The following NEDD4 variants were observed in gnomAD, a reference collection of about 807,000 sequenced individuals.
NEDD4 encodes the protein E3 ubiquitin-protein ligase NEDD4.
Under a neutral mutation model 144.9 loss-of-function variants are expected in NEDD4, and 99 were observed. That is an observed-to-expected ratio of 0.68 (90% CI 0.58 to 0.81). The LOEUF is 0.81. Ranked by LOEUF, NEDD4 falls within the 30% of genes least tolerant of loss-of-function variation. The pLI is 0.00. For synonymous variants in NEDD4, 318 were observed against 350.6 expected (o/e 0.91, Z 1.04); for missense variants, 985 against 1,065.9 (o/e 0.92, Z 1.06).
chr15:55,838,088 A>G lies in NEDD4; in HGVS notation c.2201+19T>C, dbSNP rs11071227. The G allele has an allele frequency of 7.4e-7, 1 of 1,348,370 alleles. No homozygotes were observed. The highest frequency in any genetic ancestry group is 2.2e-4 in the Middle Eastern group (1 of 4,646). 83.5% of individuals were successfully genotyped at this position (1,348,370 alleles called of 1,614,324 possible). The stretch of plus-strand genomic sequence containing the variant: ...TACAAAATTATATCCAATAAAATAC[A>G]TACTAATAAAATACTTACTAAATAT... On this transcript the variant is annotated intron_variant, in intron 23 of 28. Transcript: ENST00000435532.
At chr15:55,841,470 G>C (rs2033499405) in intron 19 of NEDD4, among the ~76,000 whole-genome samples, 1 of 152,172 alleles carries the variant, frequency 6.6e-6, no homozygotes, top group African/African-American at 2.4e-5. Flanking sequence ...GTGCTTACTG[G>C]GTATAGGGTT....
intron 2 of NEDD4, among the ~76,000 whole-genome samples, chr15:55,965,769 T>G (rs190396564): frequency 1.3e-5 from 2 of 152,240 alleles, no homozygotes; most frequent in African/African-American, 4.8e-5. Flanking sequence ...TGGCACAATC[T>G]TGGCTCGCTG....
Position 55,951,594 on chromosome 15 carries a change from T to TAAAA in NEDD4, c.120-9_120-6dup. 1 of 1,186,800 alleles carries TAAAA rather than the reference T, an allele frequency of 8.4e-7. No homozygotes were observed. The highest frequency in any genetic ancestry group is 1.1e-6 in the Non-Finnish European group (1 of 901,292). 73.5% of individuals were successfully genotyped at this position (1,186,800 alleles called of 1,614,324 possible). A position where few individuals can be genotyped will look rare whatever the true frequency, so the allele number is the denominator to read the frequency against. ...GTCACTCTCACGTAAGGATCACTGT[T>TAAAA]AAAAAAAAAAAAAAAAAGAAAGAAA... is the stretch of plus-strand genomic sequence containing the variant. On this transcript the variant is annotated splice_region_variant and splice_polypyrimidine_tract_variant and intron_variant, in intron 2 of 28. Coordinates refer to ENST00000435532, the MANE Select transcript of NEDD4 (RefSeq NM_006154.4).
chr15:55,864,037 C>T (rs1198305835), intron 8 of NEDD4, among the ~76,000 whole-genome samples: 5 of 152,134 alleles, frequency 3.3e-5, no homozygotes, highest in Non-Finnish European at 7.3e-5. Flanking sequence ...AGTTTGGTTT[C>T]TCAGAGATTA....
At chr15:55,836,805 G>A (rs1197642812) in intron 24 of NEDD4, among the ~76,000 whole-genome samples, 8 of 152,048 alleles carry the variant, frequency 5.3e-5, no homozygotes, top group Non-Finnish European at 1.0e-4. Context: ...TGGGATCACA[G>A]GAATGAGCCA....
chr15:55,911,394 CA>C (rs2036268073), intron 5 of NEDD4, among the ~76,000 whole-genome samples: 1 of 152,144 alleles, frequency 6.6e-6, no homozygotes. Flanking sequence ...GTTTACCTAT[CA>C]AGACTCGGTT....
chr15:55,886,457 C>T (rs1237280321), intron 5 of NEDD4, among the ~76,000 whole-genome samples: 1 of 152,096 alleles, frequency 6.6e-6, no homozygotes, highest in Non-Finnish European at 1.5e-5. Flanking sequence ...ACAAAATAAG[C>T]CTTAAAACGT....
chr15:55,931,615 T>C (rs1240480409), intron 4 of NEDD4, among the ~76,000 whole-genome samples: 4 of 152,112 alleles, frequency 2.6e-5, no homozygotes, highest in African/African-American at 7.2e-5. Flanking sequence ...TGCCAAAAAA[T>C]ATCCAGTTTT....
chr15:55,857,998 G>C (rs1363108138), intron 11 of NEDD4, among the ~76,000 whole-genome samples: 1 of 152,130 alleles, frequency 6.6e-6, no homozygotes, highest in African/African-American at 2.4e-5. Context: ...CTCTTCAGAG[G>C]CAAGCAAAGT....
intron 2 of NEDD4, among the ~76,000 whole-genome samples, chr15:55,952,468 T>C (rs182036846): frequency 6.6e-6 from 1 of 152,346 alleles, no homozygotes. Flanking sequence ...TGTCCATTGT[T>C]AAATTTCTCC....
Position 55,874,017 on chromosome 15 carries a change from G to T in NEDD4, c.292-9C>A, listed in dbSNP as rs1467017148. 6 of 1,485,442 alleles carry T rather than the reference G, an allele frequency of 4.0e-6. No individual in the cohort carries two copies. In the African/African-American group the frequency reaches 7.0e-5, roughly 17 times the overall value. The allele number at this position is 1,485,442 out of a possible 1,614,324, so 92.0% of individuals were successfully genotyped here. A position where few individuals can be genotyped will look rare whatever the true frequency, so the allele number is the denominator to read the frequency against. On this transcript the variant is annotated splice_polypyrimidine_tract_variant and intron_variant, in intron 5 of 28. Transcript: ENST00000435532. ...AGGAAATCATCTCTTGTCTATAAGA[G>T]AAGGAAGAAAAAATATAATTAGTAA... is the stretch of plus-strand genomic sequence containing the variant.
chr15:55,954,862 T>C (rs1195095164), intron 2 of NEDD4, among the ~76,000 whole-genome samples: 3 of 151,846 alleles, frequency 2.0e-5, no homozygotes, highest in African/African-American at 7.3e-5. Flanking sequence ...AATTATATTA[T>C]TACTGAGTTG....
chr15:55,833,927 A>AT (rs2033075076), intron 26 of NEDD4, 111 bp downstream of exon 26: 1 of 784,880 alleles, frequency 1.3e-6, no homozygotes, highest in African/African-American at 1.7e-5. Flanking sequence ...TGGTCTGTAT[A>AT]TTTTTCTGTA....
intron 4 of NEDD4, among the ~76,000 whole-genome samples, chr15:55,929,099 A>G (rs537691351): frequency 1.3e-5 from 2 of 152,310 alleles, no homozygotes; most frequent in East Asian, 3.9e-4. Flanking sequence ...CAGGGATGGA[A>G]GTGATGATGG....
At chr15:55,859,414 C>A (rs2034316183) in intron 11 of NEDD4, among the ~76,000 whole-genome samples, 1 of 152,160 alleles carries the variant, frequency 6.6e-6, no homozygotes, top group South Asian at 2.1e-4. Flanking sequence ...AAACTTCAGG[C>A]CAGAAGCAGT....
intron 5 of NEDD4, among the ~76,000 whole-genome samples, chr15:55,907,680 G>GTTAAGTAA (rs2036144738): frequency 6.6e-6 from 1 of 152,168 alleles, no homozygotes; most frequent in Non-Finnish European, 1.5e-5. Flanking sequence ...GTCATTCTTA[G>GTTAAGTAA]CTGAAACAGT....
chr15:55,854,932 A>C (rs1472066005), intron 12 of NEDD4, among the ~76,000 whole-genome samples: 3 of 152,220 alleles, frequency 2.0e-5, no homozygotes, highest in Admixed American at 1.3e-4. Flanking sequence ...GAACTTCCAC[A>C]TATTCATTGT....
At chr15:55,852,600 AC>A in intron 12 of NEDD4, 57 bp from the exon 13 acceptor site, 1 of 1,558,528 alleles carries the variant, frequency 6.4e-7, no homozygotes, top group Non-Finnish European at 8.7e-7. Flanking sequence ...TCCTTCTATC[AC>A]CCCCAAAAGT....
chr15:55,904,232 C>T (rs1227950649), intron 5 of NEDD4, among the ~76,000 whole-genome samples: 3 of 152,128 alleles, frequency 2.0e-5, no homozygotes, highest in Admixed American at 6.6e-5. Context: ...TGACAGTGAA[C>T]ATCCAATATT....
Sources: allele counts gnomAD v4.1 joint callset (sites outside exome capture counted in the v4.1 genomes callset), GRCh38; gene constraint gnomAD v4.1.1; transcripts MANE v1.5; gene names NCBI Gene and HGNC (gene_info 2026-07-23, HGNC 2026-07-21).